SLC13A4: variants seen among roughly 807,000 people sequenced by gnomAD.
SLC13A4 encodes the protein Na(+)/sulfate cotransporter SUT-1.
Under a neutral mutation model 72.7 loss-of-function variants are expected in SLC13A4, and 28 were observed. The ratio of observed to expected loss-of-function variants is 0.39; its 90% CI spans 0.29 to 0.53. The LOEUF (loss-of-function observed/expected upper bound fraction) is 0.53. SLC13A4 is among the 20% of genes least tolerant of loss of function. The pLI, the probability that SLC13A4 is intolerant of heterozygous loss-of-function variation, is 0.78. For synonymous variants in SLC13A4, 312 were observed against 325.5 expected (o/e 0.96, Z 0.45); for missense variants, 653 against 788.0 (o/e 0.83, Z 2.05).
intron 8 of SLC13A4, 21 bp from the exon 9 acceptor site, chr7:135,695,508 T>C (rs1050701930): frequency 2.0e-5 from 32 of 1,611,012 alleles, no homozygotes; most frequent in Non-Finnish European, 2.5e-5. Context: ...AAGAACCAGG[T>C]CAGCAATTAG....
chr7:135,683,649 C>G (rs1480802245), intron 15 of SLC13A4: 16 of 985,278 alleles, frequency 1.6e-5, no homozygotes, highest in Non-Finnish European at 1.9e-5. Context: ...TCCATTGTTG[C>G]TTCAGGGGTT....
intron 2 of SLC13A4, among the ~76,000 whole-genome samples, chr7:135,720,336 T>C (rs1049965508): frequency 2.0e-5 from 3 of 152,154 alleles, no homozygotes; most frequent in African/African-American, 7.2e-5. Context: ...TTCAGCTTTG[T>C]GATTTGGGCT....
In SLC13A4 at chr7:135,699,585, C is replaced by T. The variant is rs941873036; in HGVS notation, c.715-37G>A. On this transcript the variant is annotated intron_variant, in intron 7 of 15. Transcript: ENST00000682651. ...AAATCAGCAAATCTGTCCAACCCAG[C>T]TTGGGCTGTCTGGCCGAAGCATGAG... 4.5e-6 allele frequency: 7 copies of T among 1,546,370 alleles called. No individual in the cohort carries two copies. In the Admixed American group the frequency reaches 5.6e-5, roughly 12 times the overall value.
chr7:135,691,855 T>C (rs751383237), intron 11 of SLC13A4: 8 of 518,586 alleles, frequency 1.5e-5, no homozygotes, highest in Non-Finnish European at 2.8e-5. Flanking sequence ...CTGGCTAGAG[T>C]AGATGTCTTA....
chr7:135,691,931 TAGATA>T, intron 11 of SLC13A4: 1 of 424,990 alleles, frequency 2.4e-6, no homozygotes, highest in Non-Finnish European at 4.2e-6. Flanking sequence ...TGGAGTTGGT[TAGATA>T]AAGGAGAATA....
rs1330542008 is a variant in SLC13A4, at chr7:135,714,730, C to T, written c.229-6480G>A. Among the ~76,000 whole-genome samples, 8 of 152,220 alleles carry T rather than the reference C, an allele frequency of 5.3e-5. No homozygotes were observed. In the East Asian group the frequency reaches 7.7e-4, roughly 15 times the overall value. On this transcript the variant is annotated intron_variant, in intron 2 of 15. Coordinates refer to ENST00000682651, the MANE Select transcript of SLC13A4 (RefSeq NM_001318192.2). Reference sequence around the variant, plus strand: ...ACTCAAACAGAGAAAGTCAGGGTAACGAGTCAGAGGGCAGGAATCTGGCGG... The same window carrying T: ...ACTCAAACAGAGAAAGTCAGGGTAATGAGTCAGAGGGCAGGAATCTGGCGG...
chr7:135,719,009 A>G (rs1796487609), intron 2 of SLC13A4, among the ~76,000 whole-genome samples: 1 of 152,236 alleles, frequency 6.6e-6, no homozygotes, highest in South Asian at 2.1e-4. Context: ...CTGTAGCCCA[A>G]CTACTAAATA....
rs779140137 is a variant in SLC13A4 at position 135,705,560 on chromosome 7, G to C, written c.593+36C>G. 4 of 1,605,292 alleles carry C rather than the reference G, an allele frequency of 2.5e-6. No individual in the cohort carries two copies. The African/African-American group carries it at 5.4e-5, about 21-fold the overall frequency. On this transcript the variant is annotated intron_variant, in intron 5 of 15. Coordinates refer to ENST00000682651, the MANE Select transcript of SLC13A4 (RefSeq NM_001318192.2). ...TTTTCTGACCTCCCCTATGGACTCT[G>C]AGAGGCGCTGTCTGGGAGAGGGCAG... is the stretch of plus-strand genomic sequence containing the variant.
chr7:135,723,001 A>G (rs1399086304), intron 1 of SLC13A4, among the ~76,000 whole-genome samples: 1 of 152,186 alleles, frequency 6.6e-6, no homozygotes, highest in Non-Finnish European at 1.5e-5. Context: ...TGTCCTGTGC[A>G]CTGTAAAAGA....
chr7:135,685,980 G>A (rs1795613489), intron 13 of SLC13A4, among the ~76,000 whole-genome samples: 1 of 152,240 alleles, frequency 6.6e-6, no homozygotes, highest in East Asian at 1.9e-4. Context: ...CTTGTCAGAG[G>A]TTGGAGATCT....
chr7:135,716,264 C>T lies in SLC13A4; in HGVS notation c.228+5131G>A, dbSNP rs114566862. Among the ~76,000 whole-genome samples the T allele has an allele frequency of 9.4e-3, 1,437 of 152,156 alleles. 18 individuals carry two copies. The highest frequency in any genetic ancestry group is 0.032 in the African/African-American group (1,345 of 41,512). ...CCCACCTCTGGATGAGCTCCTTATCCAGAATTTGATGTACTGGACACATCA... is the reference window on the plus strand; with the variant it reads ...CCCACCTCTGGATGAGCTCCTTATCTAGAATTTGATGTACTGGACACATCA... On this transcript the variant is annotated intron_variant, in intron 2 of 15. Transcript: ENST00000682651.
chr7:135,684,269 A>C lies in SLC13A4; in HGVS notation c.1609-8T>G. The C allele has an allele frequency of 6.3e-7, 1 of 1,587,466 alleles. No homozygotes were observed. The highest frequency in any genetic ancestry group is 8.6e-7 in the Non-Finnish European group (1 of 1,162,950). On this transcript the variant is annotated splice_polypyrimidine_tract_variant and splice_region_variant and intron_variant, in intron 14 of 15. Coordinates refer to ENST00000682651, the MANE Select transcript of SLC13A4 (RefSeq NM_001318192.2). Reference sequence around the variant, plus strand: ...AATGTGCAGCGTTTCAGACTAGAAGAGAGAATTCACAGAAACATTCACGAG... The same window carrying C: ...AATGTGCAGCGTTTCAGACTAGAAGCGAGAATTCACAGAAACATTCACGAG...
intron 14 of SLC13A4, among the ~76,000 whole-genome samples, chr7:135,684,751 G>A (rs1795584455): frequency 6.6e-6 from 1 of 151,350 alleles, no homozygotes; most frequent in Admixed American, 6.6e-5. Flanking sequence ...TCTGTTGCTC[G>A]CAGGAGCAAG....
chr7:135,706,514 T>A (rs1796165797), intron 3 of SLC13A4, among the ~76,000 whole-genome samples: 1 of 152,216 alleles, frequency 6.6e-6, no homozygotes, highest in Non-Finnish European at 1.5e-5. Flanking sequence ...TGAATCACAC[T>A]TCATGGACTA....
intron 2 of SLC13A4, among the ~76,000 whole-genome samples, chr7:135,718,917 T>C (rs1368086338): frequency 1.3e-5 from 2 of 152,340 alleles, no homozygotes; most frequent in East Asian, 3.9e-4. Flanking sequence ...CTATAACCCA[T>C]GTGCTCTGCC....
chr7:135,687,933 C>G (rs1007326377), intron 13 of SLC13A4, among the ~76,000 whole-genome samples: 4 of 151,796 alleles, frequency 2.6e-5, no homozygotes, highest in African/African-American at 9.7e-5. Context: ...GCCTCAGCCT[C>G]TTGGGTAGCT....
intron 2 of SLC13A4, among the ~76,000 whole-genome samples, chr7:135,716,034 A>G (rs773939842): frequency 1.3e-5 from 2 of 152,206 alleles, no homozygotes; most frequent in Admixed American, 6.5e-5. Context: ...CAAGGACCAC[A>G]CATGGCAACT....
intron 8 of SLC13A4, among the ~76,000 whole-genome samples, chr7:135,698,589 C>G (rs1391290740): frequency 6.7e-6 from 1 of 149,272 alleles, no homozygotes; most frequent in Non-Finnish European, 1.5e-5. Flanking sequence ...CCCACCTTGG[C>G]CTCCCAGAGT....
chr7:135,715,323 G>GTGTC (rs75762065), intron 2 of SLC13A4, among the ~76,000 whole-genome samples: 50,631 of 144,752 alleles, frequency 0.35, 9,307 homozygotes, highest in African/African-American at 0.54. Context: ...GTGTATGTGT[G>GTGTC]TGAGTAAGTG....
Sources: gnomAD v4.1 joint callset for allele counts (sites outside exome capture counted in the v4.1 genomes callset) on GRCh38, gnomAD v4.1.1 for gene constraint, MANE v1.5 for transcripts, NCBI Gene and HGNC (gene_info 2026-07-23, HGNC 2026-07-21) for gene names.